PTPRQ: variants seen among roughly 807,000 people sequenced by gnomAD.
PTPRQ encodes protein tyrosine phosphatase receptor type Q, also known as phosphatidylinositol phosphatase PTPRQ.
PTPRQ carries 199 observed loss-of-function variants against 246.0 expected under a neutral mutation model. The observed-to-expected ratio is 0.81, with a 90% CI of 0.72 to 0.91. The LOEUF is 0.91. Among genes scored for constraint, PTPRQ ranks in the 40% least tolerant of loss-of-function variants. The probability of loss-of-function intolerance (pLI) is 0.00; values close to 1 mark genes in which losing one functional copy is unlikely to be tolerated. For synonymous variants in PTPRQ, 869 were observed against 853.2 expected (o/e 1.02, Z -0.32); for missense variants, 2,624 against 2,528.4 (o/e 1.04, Z -0.81).
chr12:80,654,693 C>CAAAAAA (rs57224729), intron 38 of PTPRQ, among the ~76,000 whole-genome samples: 12 of 112,074 alleles, frequency 1.1e-4, no homozygotes, highest in South Asian at 2.7e-4. Context: ...ACTAAAAATC[C>CAAAAAA]AAAAAAAAAA....
At chr12:80,554,836 G>C (rs987231154) in intron 25 of PTPRQ, among the ~76,000 whole-genome samples, 3 of 152,014 alleles carry the variant, frequency 2.0e-5, no homozygotes, top group Non-Finnish European at 4.4e-5. Flanking sequence ...TTAACCTCCT[G>C]GGCTCAAGTG....
intron 17 of PTPRQ, among the ~76,000 whole-genome samples, chr12:80,521,975 T>C (rs1285412275): frequency 2.0e-5 from 3 of 152,220 alleles, no homozygotes; most frequent in Non-Finnish European, 4.4e-5. Flanking sequence ...TTTCACGATA[T>C]TGATTCTTCC....
intron 25 of PTPRQ, among the ~76,000 whole-genome samples, chr12:80,571,765 G>T (rs1394725295): frequency 2.0e-5 from 3 of 151,744 alleles, no homozygotes; most frequent in Non-Finnish European, 4.4e-5. Flanking sequence ...CTATTTTAAA[G>T]ATACTTTTAT....
At chr12:80,469,566 A>G (rs1237129863) in intron 7 of PTPRQ, among the ~76,000 whole-genome samples, 54 of 151,672 alleles carry the variant, frequency 3.6e-4, no homozygotes, top group Non-Finnish European at 1.5e-5. Context: ...GCCACATATT[A>G]TCATTTATTT....
intron 25 of PTPRQ, among the ~76,000 whole-genome samples, chr12:80,577,893 A>G (rs1198738049): frequency 6.6e-6 from 1 of 152,114 alleles, no homozygotes; most frequent in Non-Finnish European, 1.5e-5. Flanking sequence ...TCATAACTTG[A>G]TAAATACTCC....
chr12:80,525,538 C>A (rs576012132), intron 17 of PTPRQ, among the ~76,000 whole-genome samples: 1 of 152,190 alleles, frequency 6.6e-6, no homozygotes, highest in African/African-American at 2.4e-5. Flanking sequence ...CTTGCGAGTG[C>A]AGCGGAAAGC....
intron 33 of PTPRQ, among the ~76,000 whole-genome samples, chr12:80,622,994 T>C (rs1899052422): frequency 6.6e-6 from 1 of 152,014 alleles, no homozygotes; most frequent in African/African-American, 2.4e-5. Flanking sequence ...ACATTCTACA[T>C]TGTTTGTGCC....
intron 35 of PTPRQ, among the ~76,000 whole-genome samples, chr12:80,644,137 T>A (rs1899987368): frequency 6.6e-6 from 1 of 152,162 alleles, no homozygotes; most frequent in Non-Finnish European, 1.5e-5. Context: ...AATATGGTCT[T>A]CAATCACCAC....
At chr12:80,624,691 T>C (rs559481128) in intron 33 of PTPRQ, among the ~76,000 whole-genome samples, 1 of 152,262 alleles carries the variant, frequency 6.6e-6, no homozygotes, top group South Asian at 2.1e-4. Context: ...CTATTGAGTG[T>C]CGTGGTTCTA....
intron 25 of PTPRQ, among the ~76,000 whole-genome samples, chr12:80,552,095 A>G (rs1896490980): frequency 6.6e-6 from 1 of 152,116 alleles, no homozygotes; most frequent in Admixed American, 6.6e-5. Context: ...TTAAGAATCC[A>G]TGCACTTAAG....
intron 9 of PTPRQ, among the ~76,000 whole-genome samples, chr12:80,492,788 G>T (rs1894488743): frequency 6.6e-6 from 1 of 151,964 alleles, no homozygotes; most frequent in African/African-American, 2.4e-5. Flanking sequence ...ATTCTGGTAT[G>T]TAACTTCACT....
intron 25 of PTPRQ, among the ~76,000 whole-genome samples, chr12:80,579,713 T>C (rs1897376555): frequency 6.6e-6 from 1 of 152,172 alleles, no homozygotes. Flanking sequence ...TTGAAGGTAT[T>C]TCCATTTTTG....
Position 80,495,028 on chromosome 12 carries a change from G to A in PTPRQ, c.1636G>A (p.Val546Ile), listed in dbSNP as rs1217412516. The change falls in exon 11 of 45, where the codon GTA (valine) becomes ATA (isoleucine). Residue 546 changes from valine (V) to isoleucine (I), a missense_variant. By Grantham distance (29) the Val-to-Ile change is conservative (BLOSUM62 3). Coordinates refer to ENST00000644991, the MANE Select transcript of PTPRQ (RefSeq NM_001145026.2). ...ACCTTTCACTGAGCACATGATTAGT[G>A]TATCTGCTTTCACCATCATGGGAGA... is the stretch of plus-strand genomic sequence containing the variant. ...LVPFTEHMIS[V>I]SAFTIMGEGP... 1.9e-6 allele frequency: 3 copies of A among 1,550,534 alleles called. No homozygotes were observed. Among genetic ancestry groups the A allele is most frequent in the African/African-American group, 1.4e-5 (1 of 73,052 alleles).
At chr12:80,477,042 C>T (rs888461508) in intron 8 of PTPRQ, among the ~76,000 whole-genome samples, 2 of 152,094 alleles carry the variant, frequency 1.3e-5, no homozygotes, top group African/African-American at 4.8e-5. Context: ...GCCCGTTACT[C>T]CTGTGAAACT....
At chr12:80,524,250 A>G (rs1221113502) in intron 17 of PTPRQ, among the ~76,000 whole-genome samples, 1 of 152,040 alleles carries the variant, frequency 6.6e-6, no homozygotes. Flanking sequence ...TTTTGAGCCT[A>G]TGTGTGTCTC....
At chr12:80,642,599 C>T (rs1160499015) in intron 35 of PTPRQ, among the ~76,000 whole-genome samples, 1 of 152,128 alleles carries the variant, frequency 6.6e-6, no homozygotes, top group African/African-American at 2.4e-5. Flanking sequence ...ATCTAAAAGG[C>T]CATTTCATCT....
chr12:80,653,988 ACATT>A (rs1379320693), intron 38 of PTPRQ, among the ~76,000 whole-genome samples: 1 of 151,496 alleles, frequency 6.6e-6, no homozygotes, highest in Non-Finnish European at 1.5e-5. Flanking sequence ...GAGGAAATAA[ACATT>A]CATAATTTCT....
chr12:80,513,864 T>C (rs1895198298), intron 17 of PTPRQ, among the ~76,000 whole-genome samples: 1 of 152,198 alleles, frequency 6.6e-6, no homozygotes, highest in African/African-American at 2.4e-5. Context: ...GGTAGCTAGA[T>C]ACTCCCGGCT....
intron 6 of PTPRQ, chr12:80,465,568 A>G (rs2120510494): frequency 6.6e-6 from 1 of 152,342 alleles, no homozygotes; most frequent in East Asian, 1.9e-4. Flanking sequence ...AGAATTTTAG[A>G]CCAATATCCT....
Sources: allele counts gnomAD v4.1 joint callset (sites outside exome capture counted in the v4.1 genomes callset), GRCh38; gene constraint gnomAD v4.1.1; transcripts MANE v1.5; gene names NCBI Gene and HGNC (gene_info 2026-07-23, HGNC 2026-07-21).